The following CLHC1 variants were observed in gnomAD, a reference collection of about 807,000 sequenced individuals.
The protein encoded by CLHC1 is clathrin heavy chain linker domain-containing protein 1.
In CLHC1, 72 loss-of-function variants were observed where a neutral mutation model predicts 69.5. That is an observed-to-expected ratio of 1.04 (90% CI 0.86 to 1.26). CLHC1 has a LOEUF of 1.26. Among genes scored for constraint, CLHC1 ranks in the 50% most tolerant of loss-of-function variants. The probability of loss-of-function intolerance (pLI) is 0.00; values close to 1 mark genes in which losing one functional copy is unlikely to be tolerated. For missense variants in CLHC1, 790 were observed against 679.3 expected, an observed-to-expected ratio of 1.16 and a Z score of -1.81; for synonymous variants, 223 against 224.3, an observed-to-expected ratio of 0.99 and a Z score of 0.05.
chr2:55,203,993 G>T (rs921335024), intron 9 of CLHC1, among the ~76,000 whole-genome samples: 1 of 152,100 alleles, frequency 6.6e-6, no homozygotes, highest in African/African-American at 2.4e-5. Context: ...ATTAAAAATG[G>T]GCAAAAGATG....
At position 55,209,716 on chromosome 2, in the gene CLHC1, C is replaced by G; in HGVS notation, c.615G>C (p.Gln205His). The change falls in exon 6 of 13, where the codon CAG becomes CAC. Residue 205 changes from glutamine to histidine, a missense_variant. Physicochemically the swap from Gln to His is conservative, Grantham distance 24. Transcript: ENST00000401408. ...TTTCTTCATCTAAATCAGCCTTCCT[C>G]TGAGCTGGCACATATTTTATCAACA... is the stretch of plus-strand genomic sequence containing the variant. ...QAMLIKYVPA[Q>H]RKADLDEEMI... 6.2e-7 allele frequency: 1 copy of G among 1,613,880 alleles called. No individual in the cohort carries two copies. The highest frequency in any genetic ancestry group is 8.5e-7 in the Non-Finnish European group (1 of 1,179,834).
intron 9 of CLHC1, among the ~76,000 whole-genome samples, chr2:55,193,985 C>T (rs1166075135): frequency 6.6e-6 from 1 of 152,076 alleles, no homozygotes; most frequent in Non-Finnish European, 1.5e-5. Context: ...ACCTCAAAAA[C>T]ATTATGCTAA....
In CLHC1 at chr2:55,218,017, G is replaced by C; in HGVS notation, c.178-19C>G. The C allele has an allele frequency of 1.5e-6, 2 of 1,335,250 alleles. No individual in the cohort carries two copies. The highest frequency in any genetic ancestry group is 3.9e-5 in the South Asian group (2 of 50,858). 82.7% of individuals were successfully genotyped at this position (1,335,250 alleles called of 1,614,324 possible). ...CTATTACCTGAAATATTATTTTTCTGCCTATGGTATTGATTTTTTTTCTAG... is the reference window on the plus strand; with the variant it reads ...CTATTACCTGAAATATTATTTTTCTCCCTATGGTATTGATTTTTTTTCTAG... On this transcript the variant is annotated intron_variant, in intron 3 of 12. Transcript: ENST00000401408.
chr2:55,230,224 TG>T (rs1675152014), intron 1 of CLHC1, among the ~76,000 whole-genome samples: 1 of 151,806 alleles, frequency 6.6e-6, no homozygotes, highest in East Asian at 1.9e-4. Context: ...ACAATGGAGG[TG>T]GTAGGAAGTG....
chr2:55,208,585 A>G lies in CLHC1; in HGVS notation c.899+41T>C, dbSNP rs751483661. On this transcript the variant is annotated intron_variant, in intron 8 of 12. Coordinates refer to ENST00000401408, the MANE Select transcript of CLHC1 (RefSeq NM_152385.4). ...ATGTTATTCACAAAGAATCTATGAA[A>G]AAATATAATTCTGAAAAATTAAAGC... The G allele has an allele frequency of 2.3e-6, 3 of 1,289,294 alleles. No individual in the cohort carries two copies. In the East Asian group the frequency reaches 6.9e-5, roughly 30 times the overall value. 79.9% of individuals were successfully genotyped at this position (1,289,294 alleles called of 1,614,324 possible). A position where few individuals can be genotyped will look rare whatever the true frequency, so the allele number is the denominator to read the frequency against.
intron 3 of CLHC1, among the ~76,000 whole-genome samples, chr2:55,221,146 C>T (rs1674075160): frequency 6.6e-6 from 1 of 152,146 alleles, no homozygotes; most frequent in South Asian, 2.1e-4. Flanking sequence ...GACTGAGTTT[C>T]TATTTTGCCT....
In CLHC1 at chr2:55,212,674, T is replaced by C; in HGVS notation, c.498A>G (p.Pro166=). The change falls in exon 5 of 13, where the codon CCA becomes CCG. Residue 166 remains proline, a splice_region_variant and synonymous_variant. Transcript: ENST00000401408. ...AATATTTTAAACAAAATACAATACC[T>C]GGAATAGGTTTTGAAGGATCTTTGG... ...TFSKDPSKPI[P]GMTLQESMNL... is the part of the protein sequence containing the mutation. 7 of 1,594,392 alleles carry C rather than the reference T, an allele frequency of 4.4e-6. No individual in the cohort carries two copies. Among genetic ancestry groups the C allele is most frequent in the Non-Finnish European group, 5.2e-6 (6 of 1,163,416 alleles).
At chr2:55,213,114 T>C (rs1387410838) in intron 4 of CLHC1, among the ~76,000 whole-genome samples, 1 of 152,240 alleles carries the variant, frequency 6.6e-6, no homozygotes, top group Non-Finnish European at 1.5e-5. Flanking sequence ...GGTAAGTAAT[T>C]ATATTAGTTT....
Position 55,174,403 on chromosome 2 carries a change from G to A in CLHC1, c.*1387C>T, listed in dbSNP as rs559143676. Among the ~76,000 whole-genome samples, 4 of 152,112 alleles carry A rather than the reference G, an allele frequency of 2.6e-5. No homozygotes were observed. Among genetic ancestry groups the A allele is most frequent in the Non-Finnish European group, 5.9e-5 (4 of 68,006 alleles). ...CAATATATCAAATACTTTAAAGAAGGATAAACATATAAATACAAATGAGTA... is the reference window on the plus strand; with the variant it reads ...CAATATATCAAATACTTTAAAGAAGAATAAACATATAAATACAAATGAGTA... On this transcript the variant is annotated 3_prime_UTR_variant, in exon 13 of 13. Coordinates refer to ENST00000401408, the MANE Select transcript of CLHC1 (RefSeq NM_152385.4).
At chr2:55,186,592 A>G (rs1440029366) in intron 9 of CLHC1, among the ~76,000 whole-genome samples, 3 of 134,608 alleles carry the variant, frequency 2.2e-5, no homozygotes, top group Admixed American at 1.4e-4. Context: ...CATCTCTACA[A>G]CAACAACAAC....
intron 9 of CLHC1, among the ~76,000 whole-genome samples, chr2:55,195,482 G>A (rs768615298): frequency 6.6e-6 from 1 of 152,182 alleles, no homozygotes; most frequent in African/African-American, 2.4e-5. Flanking sequence ...TCCAGTGATT[G>A]TCCTCCCCAC....
intron 9 of CLHC1, among the ~76,000 whole-genome samples, chr2:55,197,335 G>A (rs941381135): frequency 1.3e-5 from 2 of 152,180 alleles, no homozygotes; most frequent in African/African-American, 4.8e-5. Flanking sequence ...TAGAGCCCTA[G>A]GGCCTTCAGC....
intron 9 of CLHC1, among the ~76,000 whole-genome samples, chr2:55,184,022 G>A (rs762076102): frequency 6.6e-6 from 1 of 151,886 alleles, no homozygotes; most frequent in Admixed American, 6.6e-5. Context: ...CTCGTGATCC[G>A]CCTGCCTTGG....
intron 2 of CLHC1, among the ~76,000 whole-genome samples, 193 bp from the exon 3 acceptor site, chr2:55,222,686 G>C (rs1027333214): frequency 6.6e-6 from 1 of 152,022 alleles, no homozygotes; most frequent in East Asian, 1.9e-4. Context: ...TTGGGAGGCC[G>C]AGGCAGGTGG....
Position 55,175,738 on chromosome 2 carries a change from C to T in CLHC1, c.*52G>A. 1 of 1,317,672 alleles carries T rather than the reference C, an allele frequency of 7.6e-7. No homozygotes were observed. Among genetic ancestry groups the T allele is most frequent in the Non-Finnish European group, 1.1e-6 (1 of 943,648 alleles). The allele number at this position is 1,317,672 out of a possible 1,614,324, so 81.6% of individuals were successfully genotyped here. A position where few individuals can be genotyped will look rare whatever the true frequency, so the allele number is the denominator to read the frequency against. On this transcript the variant is annotated 3_prime_UTR_variant, in exon 13 of 13. Transcript: ENST00000401408. ...TTACGTTAAAATCAGTTTTTCCCAA[C>T]CAGCATACATAAGGTGTTGTACAAG... is the stretch of plus-strand genomic sequence containing the variant.
chr2:55,214,659 G>A (rs985712486), intron 4 of CLHC1: 1 of 152,200 alleles, frequency 6.6e-6, no homozygotes, highest in Non-Finnish European at 1.5e-5. Context: ...AATATCCACT[G>A]GCTTTATTCT....
intron 9 of CLHC1, among the ~76,000 whole-genome samples, chr2:55,202,224 C>T (rs114860203): frequency 0.014 from 2,108 of 147,772 alleles, 53 homozygotes; most frequent in African/African-American, 0.05. Flanking sequence ...GTTAAATTAT[C>T]TTTGTTTTCT....
At chr2:55,178,387 G>A (rs1669606344) in intron 11 of CLHC1, among the ~76,000 whole-genome samples, 1 of 152,122 alleles carries the variant, frequency 6.6e-6, no homozygotes, top group Non-Finnish European at 1.5e-5. Context: ...TCCTATATTT[G>A]GCCACAAAAA....
Position 55,180,671 on chromosome 2 carries a change from T to A in CLHC1, c.1223A>T (p.Tyr408Phe), listed in dbSNP as rs776676489. 13 of 1,613,900 alleles carry A rather than the reference T, an allele frequency of 8.1e-6. No individual in the cohort carries two copies. The highest frequency in any genetic ancestry group is 1.6e-4 in the Middle Eastern group (1 of 6,082). ...CTTGTTATAAGTATCCTGCTCCCCA[T>A]AATCACAAATCACATCCCCAGCCTC... ...SEEAGDVICD[Y>F]GEQDTYNKAK... Residue 408 changes from tyrosine (Y) to phenylalanine (F), a missense_variant, in exon 11 of 13, where the codon TAT becomes TTT. Coordinates refer to ENST00000401408, the MANE Select transcript of CLHC1 (RefSeq NM_152385.4).
Sources: gnomAD v4.1 joint callset for allele counts (sites outside exome capture counted in the v4.1 genomes callset) on GRCh38, gnomAD v4.1.1 for gene constraint, MANE v1.5 for transcripts, NCBI Gene and HGNC (gene_info 2026-07-23, HGNC 2026-07-21) for gene names.